Variants in ZW10 observed in about 807,000 individuals in gnomAD.
ZW10 encodes the protein zw10 kinetochore protein.
ZW10 carries 53 observed loss-of-function variants against 87.8 expected under a neutral mutation model. That is an observed-to-expected ratio of 0.60 (90% confidence interval 0.48 to 0.76). The LOEUF (loss-of-function observed/expected upper bound fraction) is 0.76. Ranked by LOEUF, ZW10 falls within the 30% of genes least tolerant of loss-of-function variation. The pLI is 0.00. For synonymous variants in ZW10, 312 were observed against 329.2 expected (o/e 0.95, Z 0.57); for missense variants, 837 against 923.0 (o/e 0.91, Z 1.21).
At chr11:113,763,540 C>A (rs1401732658) in intron 2 of ZW10, among the ~76,000 whole-genome samples, 2 of 152,184 alleles carry the variant, frequency 1.3e-5, no homozygotes, top group Non-Finnish European at 2.9e-5. Flanking sequence ...TGTTTCCTGA[C>A]TTTTTAATAA....
In ZW10 at chr11:113,747,455, T is replaced by C. The variant is rs1953690721; in HGVS notation, c.1272+76A>G. On this transcript the variant is annotated intron_variant, in intron 9 of 15. Coordinates refer to ENST00000200135, the MANE Select transcript of ZW10 (RefSeq NM_004724.4). ...CAACAACCGTCATCCTCTCTTCCAC[T>C]TTACTATATGCATCTCAAAATGAGT... The C allele has an allele frequency of 6.9e-6, 9 of 1,313,862 alleles. No individual in the cohort carries two copies. The Admixed American group carries it at 1.9e-4, about 28-fold the overall frequency. The allele number at this position is 1,313,862 out of a possible 1,614,324, so 81.4% of individuals were successfully genotyped here. A position where few individuals can be genotyped will look rare whatever the true frequency, so the allele number is the denominator to read the frequency against.
intron 8 of ZW10, 145 bp from the exon 9 acceptor site, chr11:113,747,858 A>G: frequency 1.8e-6 from 1 of 551,378 alleles, no homozygotes. Flanking sequence ...AAAAATATAC[A>G]TATTTCCAGC....
At chr11:113,770,804 C>A (rs1033275271) in intron 1 of ZW10, among the ~76,000 whole-genome samples, 2 of 142,066 alleles carry the variant, frequency 1.4e-5, no homozygotes, top group Non-Finnish European at 1.5e-5. Context: ...GGCGACAGGG[C>A]GAGAGAGACT....
At position 113,743,785 on chromosome 11, in the gene ZW10, C is replaced by T; in HGVS notation, c.1511+17G>A. 1 of 1,596,400 alleles carries T rather than the reference C, an allele frequency of 6.3e-7. No homozygotes were observed. The highest frequency in any genetic ancestry group is 2.2e-5 in the East Asian group (1 of 44,716). ...TAACCAAGTCATTGCCATTTTCACA[C>T]AACCCAGAATTCGTACCATTGATCA... On this transcript the variant is annotated intron_variant, in intron 10 of 15. Transcript: ENST00000200135.
intron 7 of ZW10, among the ~76,000 whole-genome samples, chr11:113,752,259 A>C (rs540056463): frequency 6.6e-6 from 1 of 151,972 alleles, no homozygotes; most frequent in East Asian, 1.9e-4. Flanking sequence ...GCACATGAAC[A>C]AGATGTGTGT....
chr11:113,758,548 C>A lies in ZW10; in HGVS notation c.733+6G>T, dbSNP rs565777010. 3.9e-5 allele frequency: 63 copies of A among 1,612,668 alleles called. No homozygotes were observed. Among genetic ancestry groups the A allele is most frequent in the Admixed American group, 1.0e-4 (6 of 59,736 alleles). ...TGTGTAAATGAAACAAAGTAGCATG[C>A]CTTACCAAATGATTTAAGCTTGCTG... On this transcript the variant is annotated splice_donor_region_variant and intron_variant, in intron 6 of 15. Transcript: ENST00000200135.
intron 2 of ZW10, among the ~76,000 whole-genome samples, chr11:113,765,485 CCT>C (rs1455707561): frequency 6.6e-6 from 1 of 152,176 alleles, no homozygotes; most frequent in Non-Finnish European, 1.5e-5. Context: ...CCCTACATGC[CCT>C]CTCTTTTCCC....
At position 113,739,341 on chromosome 11, in the gene ZW10, T is replaced by A; in HGVS notation, c.1625A>T (p.His542Leu). 1 of 1,605,922 alleles carries A rather than the reference T, an allele frequency of 6.2e-7. No homozygotes were observed. Among genetic ancestry groups the A allele is most frequent in the Non-Finnish European group, 8.5e-7 (1 of 1,176,546 alleles). The change falls in exon 12 of 16, where the codon CAC becomes CTC. Residue 542 changes from histidine to leucine, a missense_variant. His to Leu is a moderately conservative substitution (Grantham distance 99). Coordinates refer to ENST00000200135, the MANE Select transcript of ZW10 (RefSeq NM_004724.4). ...QKLPQLAAIHHNNCMYIAHHL... is the reference protein window; with the variant it reads ...QKLPQLAAIHLNNCMYIAHHL... Reference sequence around the variant, plus strand: ...GTGAGCAATGTACATACAGTTGTTGTGATGAATAGCAGCCAACTGGGGAAG... The same window carrying A: ...GTGAGCAATGTACATACAGTTGTTGAGATGAATAGCAGCCAACTGGGGAAG...
chr11:113,760,782 A>G (rs1565287080), intron 3 of ZW10, 35 bp downstream of exon 3: 1 of 1,585,752 alleles, frequency 6.3e-7, no homozygotes. Flanking sequence ...CCTTCCCACC[A>G]CCAAAACACT....
In ZW10 at chr11:113,768,955, TG is replaced by T; in HGVS notation, c.117del (p.Cys39Ter). The T allele has an allele frequency of 6.2e-7, 1 of 1,614,118 alleles. No individual in the cohort carries two copies. Among genetic ancestry groups the T allele is most frequent in the Non-Finnish European group, 8.5e-7 (1 of 1,179,990 alleles). On this transcript the variant is annotated frameshift_variant, in exon 2 of 16. Transcript: ENST00000200135. LOFTEE classifies it high-confidence loss of function. The part of the protein sequence containing the change: ...RRVEEIKGEV[C>X]NMISKKYSEF... ...TCACTGTACTTCTTGCTAATCATAT[TG>T]CACACCTCACCCTAAAATATAAAAC... is the stretch of plus-strand genomic sequence containing the variant.
At chr11:113,746,495 C>CAAAAAAAAAAAAAAAAAAAAACAAA (rs566009326) in intron 9 of ZW10, among the ~76,000 whole-genome samples, 4 of 105,342 alleles carry the variant, frequency 3.8e-5, no homozygotes, top group African/African-American at 7.8e-5. Flanking sequence ...ACAAAACAGT[C>CAAAAAAAAAAAAAAAAAAAAACAAA]AAAAAAAAAA....
chr11:113,766,408 C>T (rs1469259115), intron 2 of ZW10, among the ~76,000 whole-genome samples: 5 of 150,788 alleles, frequency 3.3e-5, no homozygotes, highest in Non-Finnish European at 5.9e-5. Context: ...CGGTGGCTCA[C>T]GCCTGTAATC....
chr11:113,746,399 G>T (rs1416570713), intron 9 of ZW10, among the ~76,000 whole-genome samples: 1 of 150,206 alleles, frequency 6.7e-6, no homozygotes, highest in African/African-American at 2.5e-5. Flanking sequence ...TTTACCAAAG[G>T]TAATCAGTAA....
At chr11:113,738,453 C>G in intron 12 of ZW10, 59 bp from the exon 13 acceptor site, 1 of 1,537,940 alleles carries the variant, frequency 6.5e-7, no homozygotes, top group Non-Finnish European at 8.8e-7. Context: ...CACTGCAAAA[C>G]CAGGATAGAC....
At chr11:113,735,612 CAG>C (rs529237504) in intron 15 of ZW10, among the ~76,000 whole-genome samples, 176 of 152,036 alleles carry the variant, frequency 1.2e-3, no homozygotes, top group African/African-American at 4.1e-3. Context: ...AAGGCCTCTA[CAG>C]AGAGTCCTTT....
intron 7 of ZW10, among the ~76,000 whole-genome samples, chr11:113,750,858 GTTTT>G (rs551864128): frequency 6.9e-6 from 1 of 144,310 alleles, no homozygotes; most frequent in African/African-American, 2.5e-5. Flanking sequence ...AAGTGATCTT[GTTTT>G]TTTTTTTAAT....
intron 15 of ZW10, among the ~76,000 whole-genome samples, chr11:113,736,150 C>T (rs1230014264): frequency 6.6e-6 from 1 of 151,626 alleles, no homozygotes; most frequent in Non-Finnish European, 1.5e-5. Context: ...TGGTAGGCAC[C>T]TGTAATCCCA....
At chr11:113,767,621 T>C (rs1953922527) in intron 2 of ZW10, among the ~76,000 whole-genome samples, 2 of 152,126 alleles carry the variant, frequency 1.3e-5, no homozygotes, top group South Asian at 4.2e-4. Flanking sequence ...CCTCAAGTTC[T>C]TTCTTCAAAC....
Position 113,738,114 on chromosome 11 carries a change from T to C in ZW10, c.1884+150A>G, listed in dbSNP as rs1424623127. 5.0e-6 allele frequency: 4 copies of C among 793,662 alleles called. No individual in the cohort carries two copies. In the African/African-American group the frequency reaches 5.4e-5, roughly 11 times the overall value. The allele number at this position is 793,662 out of a possible 1,614,324, so 49.2% of individuals were successfully genotyped here. On this transcript the variant is annotated intron_variant, in intron 13 of 15. Transcript: ENST00000200135. ...GGGAAGAAAAAGTTCTTAAACATGATTGTAAAAGGTATCTAGATTTTCCAA... is the reference window on the plus strand; with the variant it reads ...GGGAAGAAAAAGTTCTTAAACATGACTGTAAAAGGTATCTAGATTTTCCAA...
Sources: gnomAD v4.1 joint callset for allele counts (sites outside exome capture counted in the v4.1 genomes callset) on GRCh38, gnomAD v4.1.1 for gene constraint, MANE v1.5 for transcripts, NCBI Gene and HGNC (gene_info 2026-07-23, HGNC 2026-07-21) for gene names.